Variants in ISY1 observed in about 807,000 individuals in gnomAD.
ISY1 encodes ISY1 spliceosome associated protein, also known as pre-mRNA-splicing factor ISY1 homolog.
Under a neutral mutation model 54.4 loss-of-function variants are expected in ISY1, and 12 were observed. The ratio of observed to expected loss-of-function variants is 0.22; its 90% CI spans 0.14 to 0.36. The LOEUF is 0.36. Ranked by LOEUF, ISY1 falls within the 10% of genes least tolerant of loss-of-function variation. The pLI is 1.00. For missense variants in ISY1, 282 were observed against 342.2 expected (o/e 0.82, Z 1.39); for synonymous variants, 96 against 117.9 (o/e 0.81, Z 1.20).
intron 5 of ISY1, among the ~76,000 whole-genome samples, chr3:129,147,187 C>A (rs1180031863): frequency 6.6e-6 from 1 of 151,878 alleles, no homozygotes; most frequent in Non-Finnish European, 1.5e-5. Flanking sequence ...CCAGCCTTGG[C>A]CAACATGGGG....
At chr3:129,137,682 G>A (rs868244580) in intron 7 of ISY1, among the ~76,000 whole-genome samples, 3 of 151,942 alleles carry the variant, frequency 2.0e-5, no homozygotes, top group East Asian at 1.9e-4. Flanking sequence ...AGGCCGAGGC[G>A]GGCGGATCAC....
chr3:129,146,588 C>A (rs1453986462), intron 5 of ISY1, among the ~76,000 whole-genome samples: 1 of 152,146 alleles, frequency 6.6e-6, no homozygotes, highest in Admixed American at 6.6e-5. Context: ...TGGGTTACAG[C>A]TAAGACTGAT....
At chr3:129,132,388 A>G (rs1936261593) in intron 9 of ISY1, among the ~76,000 whole-genome samples, 1 of 152,056 alleles carries the variant, frequency 6.6e-6, no homozygotes, top group African/African-American at 2.4e-5. Context: ...GCTCTTCCCC[A>G]CAACGCCAGC....
intron 7 of ISY1, among the ~76,000 whole-genome samples, chr3:129,136,219 A>T (rs990932777): frequency 1.3e-5 from 2 of 151,586 alleles, no homozygotes; most frequent in Admixed American, 6.6e-5. Context: ...CTCCTGCCTC[A>T]GCCTCCCGAG....
chr3:129,156,514 A>G (rs756195146), intron 5 of ISY1, 119 bp downstream of exon 5: 15 of 1,034,258 alleles, frequency 1.5e-5, no homozygotes, highest in East Asian at 4.9e-5. Flanking sequence ...TGGCTCTTCT[A>G]TGTCCTTACT....
intron 5 of ISY1, among the ~76,000 whole-genome samples, chr3:129,149,805 A>AAAAGAAAG (rs145818302): frequency 2.5e-4 from 15 of 60,048 alleles, no homozygotes; most frequent in African/African-American, 7.5e-4. Flanking sequence ...AAAAAAAAAA[A>AAAAGAAAG]AAAGAAAGAA....
chr3:129,161,049 A>C lies in ISY1; in HGVS notation c.-74T>G. On this transcript the variant is annotated 5_prime_UTR_variant, in exon 1 of 11. Coordinates refer to ENST00000393295, the MANE Select transcript of ISY1 (RefSeq NM_020701.4). ...AACTCCACAGGCCCAGAAGACGCCGACGCTCACAGGAACTGAAGATTCCAA... is the reference window on the plus strand; with the variant it reads ...AACTCCACAGGCCCAGAAGACGCCGCCGCTCACAGGAACTGAAGATTCCAA... The C allele has an allele frequency of 6.5e-7, 1 of 1,538,106 alleles. No homozygotes were observed. Among genetic ancestry groups the C allele is most frequent in the Non-Finnish European group, 8.8e-7 (1 of 1,141,600 alleles).
In ISY1 at chr3:129,129,845, T is replaced by C. The variant is rs1193458969; in HGVS notation, c.*236A>G. 1 of 381,492 alleles carries C rather than the reference T, an allele frequency of 2.6e-6. No homozygotes were observed. The highest frequency in any genetic ancestry group is 4.3e-5 in the Admixed American group (1 of 23,032). The allele number at this position is 381,492 out of a possible 1,614,324, so 23.6% of individuals were successfully genotyped here. ...ACACAGGCAGCCAGTTCGCAACCTG[T>C]TGTATACACTCCACAATAAAAATAA... On this transcript the variant is annotated 3_prime_UTR_variant, in exon 11 of 11. Transcript: ENST00000393295.
At chr3:129,154,940 G>A (rs934893840) in intron 5 of ISY1, among the ~76,000 whole-genome samples, 4 of 151,660 alleles carry the variant, frequency 2.6e-5, no homozygotes, top group East Asian at 3.9e-4. Flanking sequence ...CGCCCGCCTC[G>A]GCCTCCCAAA....
rs564684985 is a variant in ISY1 at position 129,134,638 on chromosome 3, A to T, written c.541+194T>A. Among the ~76,000 whole-genome samples the T allele has an allele frequency of 5.0e-4, 76 of 152,236 alleles. 3 individuals are homozygous for T. In the South Asian group the frequency reaches 0.016, roughly 31 times the overall value. On this transcript the variant is annotated intron_variant, in intron 8 of 10. Coordinates refer to ENST00000393295, the MANE Select transcript of ISY1 (RefSeq NM_020701.4). ...AGACGTGGCTCTCATGGCTTCCCCA[A>T]CCTGTTACCTCTGGCCCACACAGCT...
In ISY1 at chr3:129,140,424, T is replaced by C; in HGVS notation, c.362A>G (p.Lys121Arg). The C allele has an allele frequency of 6.2e-7, 1 of 1,613,552 alleles. No individual in the cohort carries two copies. Among genetic ancestry groups the C allele is most frequent in the Non-Finnish European group, 8.5e-7 (1 of 1,179,904 alleles). ...CAAATCTTTTGCTGCTCCAAAGTACTTGTAACCTCGGTTTCCTGGGACTTC... is the reference window on the plus strand; with the variant it reads ...CAAATCTTTTGCTGCTCCAAAGTACCTGTAACCTCGGTTTCCTGGGACTTC... ...GKEVPGNRGY[K>R]YFGAAKDLPG... The change falls in exon 7 of 11, where the codon AAG becomes AGG. Residue 121 changes from lysine to arginine, a missense_variant. Coordinates refer to ENST00000393295, the MANE Select transcript of ISY1 (RefSeq NM_020701.4).
chr3:129,158,386 T>C, intron 3 of ISY1, 122 bp downstream of exon 3: 3 of 1,375,940 alleles, frequency 2.2e-6, no homozygotes, highest in Non-Finnish European at 3.0e-6. Context: ...CTCAAACTCC[T>C]AGACTCAAGT....
chr3:129,149,567 T>C (rs1264182596), intron 5 of ISY1, among the ~76,000 whole-genome samples: 1 of 99,508 alleles, frequency 1.0e-5, no homozygotes, highest in African/African-American at 4.1e-5. Context: ...GCTAACACAG[T>C]GAAACCCCGT....
At chr3:129,136,510 CTTTT>C (rs376880059) in intron 7 of ISY1, among the ~76,000 whole-genome samples, 1 of 151,458 alleles carries the variant, frequency 6.6e-6, no homozygotes, top group South Asian at 2.1e-4. Flanking sequence ...ATGTTTTTTT[CTTTT>C]TTTTGTGGGA....
In ISY1 at chr3:129,130,471, G is replaced by A. The variant is rs1266558843; in HGVS notation, c.750+79C>T. The A allele has an allele frequency of 6.5e-6, 10 of 1,541,924 alleles. No homozygotes were observed. The East Asian group carries it at 9.2e-5, about 14-fold the overall frequency. The stretch of plus-strand genomic sequence containing the variant: ...TGCCCTGATGGGTAGGAAGGACAAC[G>A]AAAACCCACTACAGTGCTCTGTGAA... On this transcript the variant is annotated intron_variant, in intron 10 of 10. Coordinates refer to ENST00000393295, the MANE Select transcript of ISY1 (RefSeq NM_020701.4).
rs1481154209 is a variant in ISY1 at position 129,140,407 on chromosome 3, T to C, written c.379A>G (p.Lys127Glu). ...NRGYKYFGAA[K>E]DLPGVRELFE... ...AGCTCTCTAACACCAGGCAAATCTT[T>C]TGCTGCTCCAAAGTACTTGTAACCT... The change falls in exon 7 of 11, where the codon AAA becomes GAA. Residue 127 changes from lysine (K) to glutamate (E), a missense_variant. By Grantham distance (56) the Lys-to-Glu change is moderately conservative. This residue lies in a region of ISY1 where 279 missense variants were observed against 323.6 expected (regional missense o/e 0.86). Transcript: ENST00000393295. The C allele has an allele frequency of 6.2e-7, 1 of 1,612,892 alleles. No homozygotes were observed. The highest frequency in any genetic ancestry group is 8.5e-7 in the Non-Finnish European group (1 of 1,179,734).
chr3:129,159,380 C>T (rs1050255312), intron 1 of ISY1, among the ~76,000 whole-genome samples: 5 of 152,176 alleles, frequency 3.3e-5, no homozygotes, highest in Non-Finnish European at 1.5e-5. Context: ...AATCTTTACT[C>T]CTCCACTGAC....
chr3:129,136,104 T>C (rs536566310), intron 7 of ISY1, among the ~76,000 whole-genome samples: 1 of 152,000 alleles, frequency 6.6e-6, no homozygotes, highest in Admixed American at 6.6e-5. Context: ...AATATTTAAG[T>C]AATTCTTTTT....
intron 10 of ISY1, 136 bp downstream of exon 10, chr3:129,130,414 A>G (rs1936203947): frequency 5.0e-6 from 6 of 1,205,468 alleles, no homozygotes; most frequent in Non-Finnish European, 6.9e-6. Flanking sequence ...CCTGAACACA[A>G]TGACAGGTGT....
Sources: allele counts gnomAD v4.1 joint callset (sites outside exome capture counted in the v4.1 genomes callset), GRCh38; gene constraint gnomAD v4.1.1; regional missense constraint gnomAD v4.1.1; transcripts MANE v1.5; gene names NCBI Gene and HGNC (gene_info 2026-07-23, HGNC 2026-07-21).